ADCY5: variants seen among roughly 807,000 people sequenced by gnomAD.
ADCY5 encodes the protein adenylate cyclase type 5.
Under a neutral mutation model 119.7 loss-of-function variants are expected in ADCY5, and 30 were observed. The ratio of observed to expected loss-of-function variants is 0.25; its 90% CI spans 0.19 to 0.34. The LOEUF is 0.34. Among genes scored for constraint, ADCY5 ranks in the 10% least tolerant of loss-of-function variants. The pLI is 1.00. For missense variants in ADCY5, 1,324 were observed against 1,775.2 expected, an observed-to-expected ratio of 0.75 and a Z score of 4.57; for synonymous variants, 753 against 762.2, an observed-to-expected ratio of 0.99 and a Z score of 0.20.
chr3:123,315,315 C>T (rs887001364), intron 11 of ADCY5, among the ~76,000 whole-genome samples: 1 of 152,216 alleles, frequency 6.6e-6, no homozygotes, highest in Non-Finnish European at 1.5e-5. Context: ...ACAAGGGAAA[C>T]GAATTCTCTT....
chr3:123,333,087 G>GT (rs1419438426), intron 3 of ADCY5, among the ~76,000 whole-genome samples: 1 of 152,152 alleles, frequency 6.6e-6, no homozygotes, highest in Non-Finnish European at 1.5e-5. Context: ...CAATGTGATG[G>GT]TATTAGGTGG....
chr3:123,364,425 T>C (rs1431808220), intron 1 of ADCY5, among the ~76,000 whole-genome samples: 2 of 152,134 alleles, frequency 1.3e-5, no homozygotes, highest in Non-Finnish European at 2.9e-5. Context: ...CCTGGAGAAG[T>C]GTCTGCAGAT....
At chr3:123,344,159 C>T (rs1376130464) in intron 3 of ADCY5, among the ~76,000 whole-genome samples, 8 of 152,212 alleles carry the variant, frequency 5.3e-5, no homozygotes, top group Non-Finnish European at 1.0e-4. Context: ...CCATCAGTCT[C>T]TTCCTCTTCC....
At chr3:123,292,765 T>C (rs1054275279) in intron 17 of ADCY5, among the ~76,000 whole-genome samples, 3 of 152,178 alleles carry the variant, frequency 2.0e-5, no homozygotes, top group Non-Finnish European at 2.9e-5. Flanking sequence ...GGCTGTCCCA[T>C]GGAGGAGCCC....
chr3:123,397,240 T>C (rs1944627171), intron 1 of ADCY5, among the ~76,000 whole-genome samples: 1 of 152,108 alleles, frequency 6.6e-6, no homozygotes, highest in African/African-American at 2.4e-5. Flanking sequence ...CATAGAAATA[T>C]CCAGAATCAC....
At chr3:123,377,929 CA>C (rs10662985) in intron 1 of ADCY5, among the ~76,000 whole-genome samples, 72 of 84,552 alleles carry the variant, frequency 8.5e-4, no homozygotes, top group African/African-American at 3.3e-3. Context: ...GACTCCATCT[CA>C]AAAAAAAAAA....
At chr3:123,322,901 G>T (rs1474334168) in intron 8 of ADCY5, among the ~76,000 whole-genome samples, 2 of 152,146 alleles carry the variant, frequency 1.3e-5, no homozygotes. Context: ...CGCGCTCCCA[G>T]CCCCCCATCC....
intron 1 of ADCY5, among the ~76,000 whole-genome samples, chr3:123,383,925 G>GCA (rs59123635): frequency 0.023 from 3,451 of 148,226 alleles, 148 homozygotes; most frequent in African/African-American, 0.081. Context: ...CTCAAGGCAT[G>GCA]CACACACACA....
intron 1 of ADCY5, among the ~76,000 whole-genome samples, chr3:123,409,077 G>GGGC (rs1302767499): frequency 6.6e-6 from 1 of 152,190 alleles, no homozygotes; most frequent in Non-Finnish European, 1.5e-5. Flanking sequence ...GAGCTAGCTG[G>GGGC]TGTTTTAAGC....
rs1237130937 is a variant in ADCY5, at chr3:123,352,229, A to G, written c.1284+203T>C. On this transcript the variant is annotated intron_variant, in intron 2 of 20. Coordinates refer to ENST00000462833, the MANE Select transcript of ADCY5 (RefSeq NM_183357.3). This position sits in a 1 kb window ranked among gnomAD's most constrained non-coding sequence, Gnocchi z 4.8. ...TGGCTATGGGCACCAGGCCTTGGGC[A>G]CGGGCTGGGTAGAACTCACTTCCCA... Among the ~76,000 whole-genome samples, 3 of 152,142 alleles carry G rather than the reference A, an allele frequency of 2.0e-5. No homozygotes were observed. The highest frequency in any genetic ancestry group is 2.0e-4 in the Admixed American group (3 of 15,280).
At chr3:123,373,758 G>GCCTCC (rs1943718682) in intron 1 of ADCY5, among the ~76,000 whole-genome samples, 3 of 37,072 alleles carry the variant, frequency 8.1e-5, no homozygotes, top group African/African-American at 2.2e-4. Context: ...GAAGCATCAC[G>GCCTCC]CCCCCCCCCC....
intron 1 of ADCY5, among the ~76,000 whole-genome samples, chr3:123,360,371 C>A (rs1943204580): frequency 6.6e-6 from 1 of 152,108 alleles, no homozygotes; most frequent in Admixed American, 6.5e-5. Context: ...TTGTCACTCT[C>A]CCTTGCTCTG....
In ADCY5 at chr3:123,303,123, C is replaced by T. The variant is rs750815254; in HGVS notation, c.2656G>A (p.Val886Ile). The change falls in exon 14 of 21, where the codon GTC becomes ATC. Residue 886 changes from valine to isoleucine, a missense_variant. By Grantham distance (29) the Val-to-Ile change is conservative. This residue lies in a region of ADCY5 where 424 missense variants were observed against 546.8 expected (regional missense o/e 0.78). Transcript: ENST00000462833. ...TGCTCATCGCCCAGGCTGTAGTTGACGGCCGACTCCGCCACGTGACACGCG... is the reference window on the plus strand; with the variant it reads ...TGCTCATCGCCCAGGCTGTAGTTGATGGCCGACTCCGCCACGTGACACGCG... ...VNACHVAESA[V>I]NYSLGDEQGF... 20 of 1,613,744 alleles carry T rather than the reference C, an allele frequency of 1.2e-5. No individual in the cohort carries two copies. Among genetic ancestry groups the T allele is most frequent in the East Asian group, 6.7e-5 (3 of 44,884 alleles).
intron 15 of ADCY5, 122 bp from the exon 16 acceptor site, chr3:123,297,504 G>C: frequency 1.8e-6 from 2 of 1,121,626 alleles, no homozygotes; most frequent in Non-Finnish European, 2.7e-6. Context: ...TGGCTCCCCA[G>C]CCCCATTCAC....
chr3:123,387,603 C>T (rs1386992330), intron 1 of ADCY5, among the ~76,000 whole-genome samples: 1 of 152,166 alleles, frequency 6.6e-6, no homozygotes, highest in African/African-American at 2.4e-5. Context: ...CATCCTGACC[C>T]GGCCCAGCCC....
intron 15 of ADCY5, among the ~76,000 whole-genome samples, chr3:123,299,067 T>C (rs1411437293): frequency 6.6e-6 from 1 of 152,170 alleles, no homozygotes; most frequent in Non-Finnish European, 1.5e-5. Flanking sequence ...ATGTACTGAT[T>C]AATGCATAAT....
intron 12 of ADCY5, among the ~76,000 whole-genome samples, chr3:123,311,590 C>G (rs1316289032): frequency 1.2e-4 from 19 of 152,142 alleles, no homozygotes; most frequent in Admixed American, 1.2e-3. Flanking sequence ...GCGGACAAAC[C>G]CTGAGAAGAG....
chr3:123,419,934 C>G (rs572612531), intron 1 of ADCY5, among the ~76,000 whole-genome samples: 1 of 152,126 alleles, frequency 6.6e-6, no homozygotes, highest in Non-Finnish European at 1.5e-5. Context: ...GACACCCCCC[C>G]ACCCCTCCAC....
In ADCY5 at chr3:123,406,353, C is replaced by CGCATG. The variant is rs533254716; in HGVS notation, c.1134+41054_1134+41058dup. On this transcript the variant is annotated intron_variant, in intron 1 of 20. Transcript: ENST00000462833. ...CCCTGGCATTTCCCCGTGTGGCCCC[C>CGCATG]GCATGGCATGGCATGGCATGTGCCC... is the stretch of plus-strand genomic sequence containing the variant. 2.4e-4 allele frequency among the ~76,000 whole-genome samples: 37 copies of CGCATG among 152,368 alleles called. No homozygotes were observed. The South Asian group carries it at 6.4e-3, about 26-fold the overall frequency.
Sources: allele counts gnomAD v4.1 joint callset (sites outside exome capture counted in the v4.1 genomes callset), GRCh38; gene constraint gnomAD v4.1.1; regional missense constraint gnomAD v4.1.1; non-coding constraint Gnocchi (gnomAD v3.1); transcripts MANE v1.5; gene names NCBI Gene and HGNC (gene_info 2026-07-23, HGNC 2026-07-21).